The following PMS1 variants were observed in gnomAD, a reference collection of about 807,000 sequenced individuals.
PMS1 encodes PMS1 homolog 1, mismatch repair system component.
In PMS1, 79 loss-of-function variants were observed where a neutral mutation model predicts 93.1. The observed-to-expected ratio is 0.85, with a 90% CI of 0.71 to 1.02. The LOEUF is 1.02. Among genes scored for constraint, PMS1 ranks in the 50% least tolerant of loss-of-function variants. The pLI is 0.00. For synonymous variants in PMS1, 335 were observed against 363.4 expected, an observed-to-expected ratio of 0.92 and a Z score of 0.89; for missense variants, 1,064 against 1,085.3, an observed-to-expected ratio of 0.98 and a Z score of 0.28.
intron 5 of PMS1, among the ~76,000 whole-genome samples, chr2:189,825,594 T>C (rs1197756783): frequency 6.6e-6 from 1 of 152,212 alleles, no homozygotes; most frequent in Non-Finnish European, 1.5e-5. Context: ...TTATAATTGC[T>C]GATTTGTGTG....
chr2:189,852,774 A>C lies in PMS1; in HGVS notation c.819A>C (p.Leu273Phe), dbSNP rs755991524. 1.3e-6 allele frequency: 2 copies of C among 1,582,982 alleles called. No homozygotes were observed. Among genetic ancestry groups the C allele is most frequent in the African/African-American group, 2.7e-5 (2 of 74,228 alleles). Residue 273 changes from leucine (L) to phenylalanine (F), a missense_variant, in exon 7 of 13, where the codon TTA becomes TTC. Coordinates refer to ENST00000441310, the MANE Select transcript of PMS1 (RefSeq NM_000534.5). ...NSRPVHQKDI[L>F]KLIRHHYNLK... ...GACCAGTACATCAAAAAGATATCTT[A>C]AAGGTAGTATGCTTTAGAAAAAAAA...
intron 1 of PMS1, among the ~76,000 whole-genome samples, chr2:189,786,504 A>G (rs1421170061): frequency 2.0e-5 from 3 of 152,146 alleles, no homozygotes; most frequent in East Asian, 1.9e-4. Context: ...GATGACTTCA[A>G]GGTTTCTAAT....
At chr2:189,837,402 T>C (rs949584124) in intron 5 of PMS1, among the ~76,000 whole-genome samples, 2 of 152,228 alleles carry the variant, frequency 1.3e-5, no homozygotes, top group African/African-American at 2.4e-5. Context: ...TAAGTTTTTA[T>C]GGTTCAGCTA....
At chr2:189,805,514 A>G in intron 3 of PMS1, 138 bp from the exon 4 acceptor site, 1 of 756,170 alleles carries the variant, frequency 1.3e-6, no homozygotes, top group Non-Finnish European at 2.3e-6. Flanking sequence ...AATATTACAA[A>G]AGAACTGGTC....
chr2:189,843,196 T>G (rs2053962106), intron 5 of PMS1, among the ~76,000 whole-genome samples: 1 of 151,918 alleles, frequency 6.6e-6, no homozygotes, highest in Non-Finnish European at 1.5e-5. Flanking sequence ...TTTTGTATTT[T>G]TAGTAGAGAC....
At chr2:189,833,248 G>A (rs919119322) in intron 5 of PMS1, among the ~76,000 whole-genome samples, 1 of 152,124 alleles carries the variant, frequency 6.6e-6, no homozygotes, top group African/African-American at 2.4e-5. Context: ...GCTAGTATAA[G>A]AAACAAAATT....
Position 189,863,798 on chromosome 2 carries a change from GC to G in PMS1, c.1914del (p.Ile639LeufsTer9). ...LERYNSQMKRAIEQESQMSLK... is the reference protein window; with the variant it reads ...LERYNSQMKRXIEQESQMSLK... ...ACGATACAATAGTCAAATGAAGAGAGCCATTGAACAGGAGTCACAAATGTCA... is the reference window on the plus strand; with the variant it reads ...ACGATACAATAGTCAAATGAAGAGAGCATTGAACAGGAGTCACAAATGTCA... On this transcript the variant is annotated frameshift_variant, in exon 10 of 13. Transcript: ENST00000441310. LOFTEE classifies it high-confidence loss of function. 1 of 1,611,468 alleles carries G rather than the reference GC, an allele frequency of 6.2e-7. No homozygotes were observed. The highest frequency in any genetic ancestry group is 1.1e-5 in the South Asian group (1 of 90,996).
At chr2:189,794,335 A>C (rs2049154460) in intron 2 of PMS1, among the ~76,000 whole-genome samples, 1 of 151,924 alleles carries the variant, frequency 6.6e-6, no homozygotes, top group Non-Finnish European at 1.5e-5. Context: ...GGCTGGTCTC[A>C]AACTCCTGAC....
chr2:189,832,697 C>T (rs2053059291), intron 5 of PMS1, among the ~76,000 whole-genome samples: 3 of 151,996 alleles, frequency 2.0e-5, no homozygotes, highest in Admixed American at 1.3e-4. Context: ...GATCTCCTGA[C>T]CGTGTGAGCC....
chr2:189,858,899 T>C (rs1367689063), intron 9 of PMS1, among the ~76,000 whole-genome samples: 1 of 152,152 alleles, frequency 6.6e-6, no homozygotes, highest in Non-Finnish European at 1.5e-5. Context: ...AGACAGGTAC[T>C]GAGCACAAAC....
intron 9 of PMS1, among the ~76,000 whole-genome samples, chr2:189,860,445 T>C (rs2106489413): frequency 6.6e-6 from 1 of 152,288 alleles, no homozygotes; most frequent in South Asian, 2.1e-4. Context: ...TATTCAGTTG[T>C]ATAAATATAC....
chr2:189,814,905 G>C (rs1015942273), intron 4 of PMS1, among the ~76,000 whole-genome samples: 7 of 152,004 alleles, frequency 4.6e-5, no homozygotes, highest in African/African-American at 1.7e-4. Flanking sequence ...AGACCATCCT[G>C]GCTAACATGG....
intron 9 of PMS1, among the ~76,000 whole-genome samples, chr2:189,858,109 T>C (rs1220136011): frequency 6.6e-6 from 1 of 152,138 alleles, no homozygotes; most frequent in Admixed American, 6.6e-5. Flanking sequence ...AGTTTTCTGA[T>C]GAGAGCTTGG....
At chr2:189,837,957 C>T (rs958520060) in intron 5 of PMS1, among the ~76,000 whole-genome samples, 1 of 152,004 alleles carries the variant, frequency 6.6e-6, no homozygotes, top group South Asian at 2.1e-4. Context: ...TATGAAACAT[C>T]CTAAGTGGGC....
intron 4 of PMS1, among the ~76,000 whole-genome samples, chr2:189,814,166 A>ATAGTAGCGCCAAAGAG (rs1353404809): frequency 4.1e-5 from 6 of 147,570 alleles, no homozygotes; most frequent in Non-Finnish European, 4.4e-5. Flanking sequence ...GCGCCAAAGA[A>ATAGTAGCGCCAAAGAG]TAGTAGCACC....
intron 11 of PMS1, among the ~76,000 whole-genome samples, chr2:189,871,482 A>T (rs1399747577): frequency 6.6e-6 from 1 of 152,218 alleles, no homozygotes; most frequent in Non-Finnish European, 1.5e-5. Context: ...GCGGGGACAT[A>T]AAAAGGATGA....
chr2:189,819,703 T>G (rs1027567319), intron 5 of PMS1, among the ~76,000 whole-genome samples: 5 of 152,232 alleles, frequency 3.3e-5, no homozygotes, highest in Non-Finnish European at 4.4e-5. Context: ...TCATGTCCTT[T>G]GCCCACTTTT....
intron 5 of PMS1, among the ~76,000 whole-genome samples, chr2:189,818,649 A>G (rs2051537325): frequency 6.6e-6 from 1 of 151,884 alleles, no homozygotes; most frequent in South Asian, 2.1e-4. Context: ...ATCTAGTTTT[A>G]TCTTTATTAC....
intron 6 of PMS1, among the ~76,000 whole-genome samples, chr2:189,849,259 C>A (rs181701375): frequency 1.3e-5 from 2 of 152,210 alleles, no homozygotes; most frequent in Admixed American, 1.3e-4. Flanking sequence ...TGACATCTGT[C>A]TTCTCTTTGA....
Sources: allele counts gnomAD v4.1 joint callset (sites outside exome capture counted in the v4.1 genomes callset), GRCh38; gene constraint gnomAD v4.1.1; transcripts MANE v1.5; gene names NCBI Gene and HGNC (gene_info 2026-07-23, HGNC 2026-07-21).